Variants in TMEM132B observed in about 807,000 individuals in gnomAD.
The protein encoded by TMEM132B is transmembrane protein 132B.
TMEM132B carries 18 observed loss-of-function variants against 90.8 expected under a neutral mutation model. That is an observed-to-expected ratio of 0.20 (90% CI 0.14 to 0.29). The LOEUF is 0.29. Among genes scored for constraint, TMEM132B ranks in the 10% least tolerant of loss-of-function variants. The pLI is 1.00. For synonymous variants in TMEM132B, 504 were observed against 523.3 expected (o/e 0.96, Z 0.50); for missense variants, 1,096 against 1,326.8 (o/e 0.83, Z 2.70).
At chr12:125,395,181 A>G (rs1427597342) in intron 2 of TMEM132B, among the ~76,000 whole-genome samples, 2 of 152,218 alleles carry the variant, frequency 1.3e-5, no homozygotes, top group African/African-American at 4.8e-5. Flanking sequence ...TATCCAGTGC[A>G]TCAGGGTGAA....
intron 1 of TMEM132B, among the ~76,000 whole-genome samples, chr12:125,299,670 C>T (rs2136159417): frequency 6.6e-6 from 1 of 152,292 alleles, no homozygotes; most frequent in Non-Finnish European, 1.5e-5. Context: ...CCACCCTTGT[C>T]ACCGCTTTTC....
At chr12:125,574,933 C>T (rs968365804) in intron 4 of TMEM132B, among the ~76,000 whole-genome samples, 2 of 150,402 alleles carry the variant, frequency 1.3e-5, no homozygotes, top group Non-Finnish European at 3.0e-5. Context: ...AACATGGAAT[C>T]TTTTGTTTGT....
At chr12:125,287,010 CTCT>C (rs1247248622) in intron 1 of TMEM132B, among the ~76,000 whole-genome samples, 1 of 130,304 alleles carries the variant, frequency 7.7e-6, no homozygotes, top group Non-Finnish European at 1.7e-5. Flanking sequence ...GCCAGAATTC[CTCT>C]TTTTTTTTTT....
At chr12:125,575,597 G>T (rs2136843548) in intron 4 of TMEM132B, among the ~76,000 whole-genome samples, 1 of 151,504 alleles carries the variant, frequency 6.6e-6, no homozygotes, top group South Asian at 2.1e-4. Flanking sequence ...TTTCTTTGTT[G>T]GTTGTGCTTT....
rs74349691 is a variant in TMEM132B, at chr12:125,538,571, G to A, written c.1293+18946G>A. Among the ~76,000 whole-genome samples, 486 of 152,286 alleles carry A rather than the reference G, an allele frequency of 3.2e-3. 16 individuals carry two copies. The South Asian group carries it at 0.07, about 22-fold the overall frequency. ...CAATGAAACTTTCTATTCCTCATCC[G>A]TGGGCTGAATGCTTAATGATTCTGA... On this transcript the variant is annotated intron_variant, in intron 4 of 8. Coordinates refer to ENST00000682704, the MANE Select transcript of TMEM132B (RefSeq NM_001366854.1).
chr12:125,340,927 C>T (rs756009221), intron 1 of TMEM132B, among the ~76,000 whole-genome samples: 2 of 152,166 alleles, frequency 1.3e-5, no homozygotes, highest in African/African-American at 2.4e-5. Flanking sequence ...TGATGTCATG[C>T]CCTGCAGGGG....
chr12:125,206,280 G>A (rs549116286), intron 1 of TMEM132B, among the ~76,000 whole-genome samples: 9 of 152,110 alleles, frequency 5.9e-5, no homozygotes, highest in African/African-American at 1.7e-4. Context: ...ACTATGTAGC[G>A]CAGGCTGGAG....
chr12:125,472,287 G>T (rs1221900108), intron 3 of TMEM132B, among the ~76,000 whole-genome samples: 1 of 152,196 alleles, frequency 6.6e-6, no homozygotes, highest in African/African-American at 2.4e-5. Flanking sequence ...TGGTTGGCAA[G>T]CTCCTGACTT....
Position 125,349,663 on chromosome 12 carries a change from T to C in TMEM132B, c.279T>C (p.Tyr93=), listed in dbSNP as rs1236267436. 1 of 1,614,200 alleles carries C rather than the reference T, an allele frequency of 6.2e-7. No homozygotes were observed. The highest frequency in any genetic ancestry group is 1.6e-4 in the Middle Eastern group (1 of 6,062). Residue 93 remains tyrosine (Y), a synonymous_variant, in exon 2 of 9, where the codon TAT becomes TAC. Coordinates refer to ENST00000682704, the MANE Select transcript of TMEM132B (RefSeq NM_001366854.1). This position sits in a 1 kb window ranked among gnomAD's most constrained non-coding sequence, Gnocchi z 4.1. ...CACCCCCTATTATCAATGCCAGCTA[T>C]GGCCCATTTTCAGTGGAGAAGATAA... The part of the protein sequence containing the change: ...ARTPPIINAS[Y]GPFSVEKIIP...
chr12:125,485,591 C>G (rs1218919638), intron 3 of TMEM132B, among the ~76,000 whole-genome samples: 1 of 152,190 alleles, frequency 6.6e-6, no homozygotes, highest in Non-Finnish European at 1.5e-5. Context: ...CCCAACACCT[C>G]TTTATCAAAT....
intron 2 of TMEM132B, among the ~76,000 whole-genome samples, chr12:125,376,502 T>G (rs973049328): frequency 1.3e-5 from 2 of 152,190 alleles, no homozygotes; most frequent in Non-Finnish European, 2.9e-5. Context: ...TGGATGCTCA[T>G]TTACACTCCT....
chr12:125,506,880 G>A (rs1014504311), intron 3 of TMEM132B, among the ~76,000 whole-genome samples: 1 of 152,216 alleles, frequency 6.6e-6, no homozygotes, highest in African/African-American at 2.4e-5. Context: ...AGAGAAGATT[G>A]TTGCTTCAGA....
intron 1 of TMEM132B, among the ~76,000 whole-genome samples, chr12:125,347,702 T>TG (rs1227955358): frequency 2.6e-5 from 4 of 152,076 alleles, no homozygotes; most frequent in Non-Finnish European, 5.9e-5. Context: ...AGGACTCCAG[T>TG]GGTGGAGGTT....
At chr12:125,394,602 T>C (rs1034629518) in intron 2 of TMEM132B, among the ~76,000 whole-genome samples, 3 of 152,136 alleles carry the variant, frequency 2.0e-5, no homozygotes, top group South Asian at 2.1e-4. Context: ...TTATTTTGGG[T>C]GGGTTGATAT....
intron 2 of TMEM132B, among the ~76,000 whole-genome samples, chr12:125,356,820 G>T (rs1001752737): frequency 4.6e-5 from 7 of 152,194 alleles, no homozygotes; most frequent in African/African-American, 1.7e-4. Flanking sequence ...CCTACCCAGG[G>T]CCTCTGCACC....
intron 2 of TMEM132B, among the ~76,000 whole-genome samples, chr12:125,398,365 A>C (rs1566022949): frequency 6.6e-6 from 1 of 152,230 alleles, no homozygotes; most frequent in Non-Finnish European, 1.5e-5. Context: ...TGGTAGCATA[A>C]ATGATCAAAG....
chr12:125,625,132 T>TTTTTTTTG (rs1886201921), intron 5 of TMEM132B, among the ~76,000 whole-genome samples: 1 of 128,140 alleles, frequency 7.8e-6, no homozygotes, highest in African/African-American at 3.2e-5. Context: ...TTTGACTTCT[T>TTTTTTTTG]TTTTTTTTTT....
At chr12:125,389,500 C>T (rs2136299479) in intron 2 of TMEM132B, among the ~76,000 whole-genome samples, 1 of 152,240 alleles carries the variant, frequency 6.6e-6, no homozygotes, top group South Asian at 2.1e-4. Flanking sequence ...TGAATGCTGG[C>T]TCTGGCTCTT....
chr12:125,247,426 G>A (rs916821156), intron 1 of TMEM132B, among the ~76,000 whole-genome samples: 3 of 152,056 alleles, frequency 2.0e-5, no homozygotes, highest in Non-Finnish European at 4.4e-5. Context: ...CAGATGATGC[G>A]ACATGAACCC....
Sources: allele counts gnomAD v4.1 joint callset (sites outside exome capture counted in the v4.1 genomes callset), GRCh38; gene constraint gnomAD v4.1.1; non-coding constraint Gnocchi (gnomAD v3.1); transcripts MANE v1.5; gene names NCBI Gene and HGNC (gene_info 2026-07-23, HGNC 2026-07-21).